The following ATP1A4 variants were observed in gnomAD, a reference collection of about 807,000 sequenced individuals.
ATP1A4 encodes the protein ATPase Na+/K+ transporting subunit alpha 4.
ATP1A4 carries 90 observed loss-of-function variants against 114.3 expected under a neutral mutation model. The observed-to-expected ratio is 0.79, with a 90% CI of 0.66 to 0.94. The LOEUF is 0.94. ATP1A4 is among the 40% of genes least tolerant of loss of function. ATP1A4 has a pLI of 0.00. For missense variants in ATP1A4, 1,222 were observed against 1,313.6 expected (o/e 0.93, Z 1.08); for synonymous variants, 511 against 494.1 (o/e 1.03, Z -0.45).
chr1:160,185,885 C>G (rs1206432403), intron 20 of ATP1A4, among the ~76,000 whole-genome samples: 1 of 148,454 alleles, frequency 6.7e-6, no homozygotes, highest in Non-Finnish European at 1.5e-5. Context: ...AGCCACTGCA[C>G]TCCAGCCTGG....
chr1:160,160,795 C>A (rs879741919), intron 6 of ATP1A4, among the ~76,000 whole-genome samples: 28 of 151,784 alleles, frequency 1.8e-4, no homozygotes, highest in Non-Finnish European at 3.4e-4. Flanking sequence ...AAAGAAGAAG[C>A]GTAATGTTAA....
chr1:160,174,388 TC>T, intron 14 of ATP1A4, 127 bp downstream of exon 14: 1 of 1,441,136 alleles, frequency 6.9e-7, no homozygotes, highest in Non-Finnish European at 9.3e-7. Flanking sequence ...ATCTGGAACC[TC>T]CATGGTGGCC....
At chr1:160,172,422 T>C (rs1653298195) in intron 12 of ATP1A4, among the ~76,000 whole-genome samples, 1 of 152,052 alleles carries the variant, frequency 6.6e-6, no homozygotes, top group South Asian at 2.1e-4. Context: ...TATGCCCAGG[T>C]CTAAAAACTG....
intron 20 of ATP1A4, among the ~76,000 whole-genome samples, chr1:160,184,073 C>T (rs1381045017): frequency 6.6e-6 from 1 of 151,364 alleles, no homozygotes; most frequent in Non-Finnish European, 1.5e-5. Context: ...CTGCCTCAGT[C>T]TCCTGAGTAG....
chr1:160,168,175 G>T (rs571178230), intron 10 of ATP1A4, among the ~76,000 whole-genome samples: 3 of 152,268 alleles, frequency 2.0e-5, no homozygotes, highest in African/African-American at 7.2e-5. Flanking sequence ...AGACTGAAGA[G>T]AAGGTTATGG....
chr1:160,155,185 C>T lies in ATP1A4; in HGVS notation c.348C>T (p.Ala116=), dbSNP rs1256835197. 8.7e-6 allele frequency: 14 copies of T among 1,613,634 alleles called. No homozygotes were observed. The highest frequency in any genetic ancestry group is 1.1e-5 in the Non-Finnish European group (13 of 1,179,948). The stretch of plus-strand genomic sequence containing the variant: ...TCTCCCTCCTACTATGGACTGGGGC[C>T]ATTCTCTGCTTTGTGGCCTACAGCA... ...GGFSLLLWTG[A]ILCFVAYSIQ... is the part of the protein sequence containing the mutation. Residue 116 remains alanine, a synonymous_variant, in exon 3 of 22, where the codon GCC becomes GCT. Coordinates refer to ENST00000368081, the MANE Select transcript of ATP1A4 (RefSeq NM_144699.4).
At position 160,152,083 on chromosome 1, in the gene ATP1A4, C is replaced by T. The variant is rs143691169; in HGVS notation, c.43C>T (p.Gln15Ter). 543 of 1,613,926 alleles carry T rather than the reference C, an allele frequency of 3.4e-4. 1 individual carries two copies. The highest frequency in any genetic ancestry group is 4.2e-4 in the Non-Finnish European group (490 of 1,179,942). The change falls in exon 1 of 22, where the codon CAG (glutamine) becomes TAG (stop). Residue 15 changes from glutamine (Q) to a stop codon, truncating the protein, a stop_gained. Transcript: ENST00000368081. LOFTEE classifies it high-confidence loss of function. ...GAAAGGGACAGTGGCTCCCCATGAC[C>T]AGAGTCCAAGACGAAGACCTAAAAA... ...GKKGTVAPHD[Q>*]SPRRRPKKGL...
Position 160,186,331 on chromosome 1 carries a change from G to A in ATP1A4, c.3025G>A (p.Glu1009Lys), listed in dbSNP as rs1338469550. The change falls in exon 21 of 22, where the codon GAA (glutamate) becomes AAA (lysine). Residue 1009 changes from glutamate (E) to lysine (K), a missense_variant. By Grantham distance (56) the Glu-to-Lys change is moderately conservative. Coordinates refer to ENST00000368081, the MANE Select transcript of ATP1A4 (RefSeq NM_144699.4). ...CAGTATTCTCATCTTCGTCTATGAT[G>A]AAATCAGAAAACTCCTCATCCGTCA... ...PYSILIFVYD[E>K]IRKLLIRQHP... 1 of 1,613,790 alleles carries A rather than the reference G, an allele frequency of 6.2e-7. No homozygotes were observed. The highest frequency in any genetic ancestry group is 8.5e-7 in the Non-Finnish European group (1 of 1,179,980).
intron 20 of ATP1A4, among the ~76,000 whole-genome samples, chr1:160,182,232 T>A (rs967917991): frequency 2.0e-5 from 3 of 152,194 alleles, no homozygotes; most frequent in African/African-American, 7.2e-5. Context: ...CTGTGCCAAA[T>A]GATCACAACC....
Position 160,176,189 on chromosome 1 carries a change from T to C in ATP1A4, c.2409T>C (p.Gly803=). 6.2e-7 allele frequency: 1 copy of C among 1,614,064 alleles called. No individual in the cohort carries two copies. The highest frequency in any genetic ancestry group is 1.1e-5 in the South Asian group (1 of 91,056). The change falls in exon 16 of 22, where the codon GGT becomes GGC. Residue 803 remains glycine (G), a synonymous_variant. Transcript: ENST00000368081. ...CCTTCCTGATGTTCATCATCCTCGG[T>C]ATACCCCTGCCTCTGGGAACCATAA... is the stretch of plus-strand genomic sequence containing the variant. ...ITPFLMFIIL[G]IPLPLGTITI... is the part of the protein sequence containing the mutation.
chr1:160,179,471 A>G (rs1264644016), intron 18 of ATP1A4, among the ~76,000 whole-genome samples: 4 of 152,248 alleles, frequency 2.6e-5, no homozygotes, highest in Admixed American at 6.5e-5. Context: ...AAGTGTCACA[A>G]AAATGTGTTG....
chr1:160,176,660 ACGTGAGCCAT>A, intron 17 of ATP1A4, 58 bp downstream of exon 17: 1 of 1,594,586 alleles, frequency 6.3e-7, no homozygotes, highest in Non-Finnish European at 8.6e-7. Context: ...CTGCCTGGCA[ACGTGAGCCAT>A]CTCAGTTTGG....
intron 6 of ATP1A4, among the ~76,000 whole-genome samples, chr1:160,162,508 G>A (rs1484947173): frequency 1.3e-5 from 2 of 152,176 alleles, no homozygotes; most frequent in African/African-American, 4.8e-5. Context: ...GGGAGGGGGC[G>A]CAAGTTACAG....
chr1:160,183,007 T>C (rs1273238275), intron 20 of ATP1A4: 1 of 152,274 alleles, frequency 6.6e-6, no homozygotes, highest in African/African-American at 2.4e-5. Flanking sequence ...GTCTCTACTC[T>C]GCTCACCTTT....
At chr1:160,159,183 T>C (rs369284822) in intron 5 of ATP1A4, 47 bp downstream of exon 5, 104 of 1,594,834 alleles carry the variant, frequency 6.5e-5, no homozygotes, top group Non-Finnish European at 8.7e-5. Flanking sequence ...CGTGATCTCA[T>C]GGCAGGGTAG....
intron 18 of ATP1A4, among the ~76,000 whole-genome samples, chr1:160,180,712 T>C (rs1454228058): frequency 4.0e-5 from 4 of 100,740 alleles, no homozygotes; most frequent in Non-Finnish European, 5.9e-5. Context: ...TTTTTTTTTT[T>C]TTTTTTTTTT....
At chr1:160,154,660 T>C (rs1652572470) in intron 2 of ATP1A4, among the ~76,000 whole-genome samples, 1 of 152,218 alleles carries the variant, frequency 6.6e-6, no homozygotes, top group Admixed American at 6.5e-5. Flanking sequence ...ACATTAAGTA[T>C]TATATTTCAT....
chr1:160,166,400 G>A, intron 7 of ATP1A4, 128 bp from the exon 8 acceptor site: 3 of 1,210,606 alleles, frequency 2.5e-6, no homozygotes, highest in Non-Finnish European at 3.4e-6. Context: ...GTAAAGAGTA[G>A]GTGGGAACAA....
At chr1:160,186,225 C>A in intron 20 of ATP1A4, 51 bp from the exon 21 acceptor site, 2 of 1,281,784 alleles carry the variant, frequency 1.6e-6, no homozygotes, top group South Asian at 1.2e-5. Flanking sequence ...CTGCACCTGT[C>A]CTCTGGCATC....
Sources: allele counts gnomAD v4.1 joint callset (sites outside exome capture counted in the v4.1 genomes callset), GRCh38; gene constraint gnomAD v4.1.1; transcripts MANE v1.5; gene names NCBI Gene and HGNC (gene_info 2026-07-23, HGNC 2026-07-21).